TTC28: variants seen among roughly 807,000 people sequenced by gnomAD.
The protein encoded by TTC28 is tetratricopeptide repeat domain 28.
TTC28 carries 61 observed loss-of-function variants against 198.0 expected under a neutral mutation model. That is an observed-to-expected ratio of 0.31 (90% CI 0.25 to 0.38). The LOEUF (loss-of-function observed/expected upper bound fraction) is 0.38. TTC28 is among the 10% of genes least tolerant of loss of function. TTC28 has a pLI of 1.00. For synonymous variants in TTC28, 1,171 were observed against 1,297.8 expected (o/e 0.90, Z 2.10); for missense variants, 2,678 against 3,164.0 (o/e 0.85, Z 3.69).
At chr22:28,505,962 T>G (rs987762841) in intron 2 of TTC28, among the ~76,000 whole-genome samples, 1 of 152,178 alleles carries the variant, frequency 6.6e-6, no homozygotes, top group African/African-American at 2.4e-5. Flanking sequence ...CCGGCTGGCT[T>G]TGGAGAATAC....
chr22:28,032,177 TATATATATATAAAATATATATATATAAA>T lies in TTC28; in HGVS notation c.3933-1839_3933-1812del, dbSNP rs1347270939. Among the ~76,000 whole-genome samples, 522 of 77,436 alleles carry T rather than the reference TATATATATATAAAATATATATATATAAA, an allele frequency of 6.7e-3. 7 individuals are homozygous for T. Among genetic ancestry groups the T allele is most frequent in the African/African-American group, 0.021 (379 of 17,876 alleles). The allele number at this position is 77,436 out of a possible 152,430, so 50.8% of individuals were successfully genotyped here. On this transcript the variant is annotated intron_variant, in intron 12 of 22. Transcript: ENST00000397906. ...TATCTACTTAGTGTGTGTATATATA[TATATATATATAAAATATATATATATAAA>T]ATATATATATATAAAATATATATAT... is the stretch of plus-strand genomic sequence containing the variant.
At chr22:28,437,587 G>C (rs1439632663) in intron 2 of TTC28, among the ~76,000 whole-genome samples, 2 of 151,508 alleles carry the variant, frequency 1.3e-5, no homozygotes, top group Non-Finnish European at 2.9e-5. Context: ...TTTTTGTTTG[G>C]GAGTTTGTTT....
chr22:28,352,703 C>T (rs2046018383), intron 2 of TTC28, among the ~76,000 whole-genome samples: 1 of 152,062 alleles, frequency 6.6e-6, no homozygotes, highest in African/African-American at 2.4e-5. Flanking sequence ...CTGAATAAAA[C>T]CAAGAGTTAC....
chr22:28,179,936 T>C (rs906568335), intron 5 of TTC28, among the ~76,000 whole-genome samples: 4 of 152,194 alleles, frequency 2.6e-5, no homozygotes, highest in African/African-American at 4.8e-5. Context: ...ATTTTGCACA[T>C]TTTTATAGAA....
At chr22:28,637,685 G>GT (rs2051298454) in intron 1 of TTC28, among the ~76,000 whole-genome samples, 1 of 151,900 alleles carries the variant, frequency 6.6e-6, no homozygotes, top group South Asian at 2.1e-4. Context: ...TGTAAATGGA[G>GT]TAAGTTCTCC....
At chr22:28,672,726 T>C (rs1490561552) in intron 1 of TTC28, among the ~76,000 whole-genome samples, 1 of 152,210 alleles carries the variant, frequency 6.6e-6, no homozygotes, top group South Asian at 2.1e-4. Context: ...AAGTCATATT[T>C]GGAGAACTGA....
chr22:28,678,717 A>G (rs2052041401), intron 1 of TTC28, among the ~76,000 whole-genome samples: 1 of 152,196 alleles, frequency 6.6e-6, no homozygotes. Context: ...CTAATAATTT[A>G]GACTTTCTAC....
At position 28,029,008 on chromosome 22, in the gene TTC28, C is replaced by T. The variant is rs73880373; in HGVS notation, c.4073+1218G>A. On this transcript the variant is annotated intron_variant, in intron 13 of 22. Transcript: ENST00000397906. ...CACTCTAGTTTATCACCACAGCCTG[C>T]ATCACCTGGTGGAGGTAAGTGTCAC... 1,552 of 471,150 alleles carry T rather than the reference C, an allele frequency of 3.3e-3. 22 individuals are homozygous for T. Among genetic ancestry groups the T allele is most frequent in the African/African-American group, 0.028 (1,419 of 50,188 alleles). 29.2% of individuals were successfully genotyped at this position (471,150 alleles called of 1,614,324 possible).
intron 5 of TTC28, among the ~76,000 whole-genome samples, chr22:28,181,490 T>A (rs1353620092): frequency 6.6e-6 from 1 of 152,202 alleles, no homozygotes; most frequent in Non-Finnish European, 1.5e-5. Context: ...TTAGACATTT[T>A]AATTACACCA....
At chr22:28,514,593 G>A (rs571996284) in intron 2 of TTC28, among the ~76,000 whole-genome samples, 45 of 152,318 alleles carry the variant, frequency 3.0e-4, no homozygotes, top group South Asian at 6.2e-4. Flanking sequence ...GGCAGCTACT[G>A]GTGATCTGAT....
At chr22:28,322,005 T>C (rs1230859241) in intron 2 of TTC28, among the ~76,000 whole-genome samples, 3 of 152,114 alleles carry the variant, frequency 2.0e-5, no homozygotes, top group Non-Finnish European at 4.4e-5. Context: ...CTAATTTTTG[T>C]ATTTTTAGTA....
At chr22:28,191,512 C>T (rs1290133820) in intron 5 of TTC28, among the ~76,000 whole-genome samples, 2 of 152,200 alleles carry the variant, frequency 1.3e-5, no homozygotes, top group Non-Finnish European at 2.9e-5. Context: ...CCGGGAAGCA[C>T]AAGGGGTCAG....
At chr22:28,270,514 G>A (rs1490057571) in intron 5 of TTC28, among the ~76,000 whole-genome samples, 3 of 151,584 alleles carry the variant, frequency 2.0e-5, no homozygotes, top group Admixed American at 6.6e-5. Flanking sequence ...CATAAATGCA[G>A]ATTACAATCT....
chr22:28,516,563 G>A (rs1412730746), intron 2 of TTC28, among the ~76,000 whole-genome samples: 3 of 136,824 alleles, frequency 2.2e-5, no homozygotes, highest in Admixed American at 1.6e-4. Flanking sequence ...TGAACAATGA[G>A]ATAATTTGGA....
chr22:28,165,832 G>T lies in TTC28; in HGVS notation c.934-2233C>A, dbSNP rs565218495. 2.0e-4 allele frequency among the ~76,000 whole-genome samples: 30 copies of T among 152,186 alleles called. No individual in the cohort carries two copies. The East Asian group carries it at 3.5e-3, about 18-fold the overall frequency. On this transcript the variant is annotated intron_variant, in intron 5 of 22. Coordinates refer to ENST00000397906, the MANE Select transcript of TTC28 (RefSeq NM_001145418.2). ...GGATCAAATTCACACATAACAATAT[G>T]AACCTTAAATGTAAATGGGCTAAAT...
At chr22:28,302,752 G>A (rs1418020049) in intron 3 of TTC28, among the ~76,000 whole-genome samples, 1 of 152,094 alleles carries the variant, frequency 6.6e-6, no homozygotes, top group East Asian at 1.9e-4. Context: ...TCAGCTCGCT[G>A]CAACCTCCGC....
intron 21 of TTC28, among the ~76,000 whole-genome samples, chr22:27,988,770 C>T (rs1265317179): frequency 1.3e-5 from 2 of 152,126 alleles, no homozygotes; most frequent in Non-Finnish European, 2.9e-5. Flanking sequence ...CCGACCCCTC[C>T]GTGGCTGTTC....
At chr22:28,315,282 ATTTTTT>A (rs917677933) in intron 2 of TTC28, among the ~76,000 whole-genome samples, 3 of 145,798 alleles carry the variant, frequency 2.1e-5, no homozygotes, top group Admixed American at 6.9e-5. Flanking sequence ...CTGGATTTGG[ATTTTTT>A]TTTTTTTAAC....
At chr22:28,076,537 C>T (rs909692930) in intron 12 of TTC28, among the ~76,000 whole-genome samples, 1 of 152,120 alleles carries the variant, frequency 6.6e-6, no homozygotes, top group African/African-American at 2.4e-5. Context: ...TGGATTGTGA[C>T]ACTCTTCCAT....
Sources: allele counts gnomAD v4.1 joint callset (sites outside exome capture counted in the v4.1 genomes callset), GRCh38; gene constraint gnomAD v4.1.1; transcripts MANE v1.5; gene names NCBI Gene and HGNC (gene_info 2026-07-23, HGNC 2026-07-21).